Variants in HGSNAT observed in about 807,000 individuals in gnomAD.
HGSNAT encodes heparan-alpha-glucosaminide N-acetyltransferase.
HGSNAT carries 59 observed loss-of-function variants against 85.2 expected under a neutral mutation model. The ratio of observed to expected loss-of-function variants is 0.69; its 90% CI spans 0.56 to 0.86. HGSNAT has a LOEUF of 0.86. Among genes scored for constraint, HGSNAT ranks in the 40% least tolerant of loss-of-function variants. HGSNAT has a pLI of 0.00. For missense variants in HGSNAT, 756 were observed against 777.1 expected (o/e 0.97, Z 0.32); for synonymous variants, 321 against 304.5 (o/e 1.05, Z -0.56).
intron 14 of HGSNAT, among the ~76,000 whole-genome samples, chr8:43,194,888 C>T (rs1399237796): frequency 2.6e-5 from 4 of 152,148 alleles, no homozygotes; most frequent in Admixed American, 2.6e-4. Context: ...CACCAGATAC[C>T]GAATCTACTG....
chr8:43,185,008 C>G (rs1237249273), intron 11 of HGSNAT, among the ~76,000 whole-genome samples: 1 of 152,066 alleles, frequency 6.6e-6, no homozygotes, highest in Non-Finnish European at 1.5e-5. Context: ...CTCTGTTTTA[C>G]TACCAGTACC....
chr8:43,183,510 C>T (rs923761929), intron 11 of HGSNAT, among the ~76,000 whole-genome samples: 13 of 146,374 alleles, frequency 8.9e-5, no homozygotes, highest in South Asian at 2.2e-4. Flanking sequence ...TTGCTCTGTC[C>T]GCCAGGCTGG....
chr8:43,198,178 G>A (rs1367958420), intron 17 of HGSNAT, among the ~76,000 whole-genome samples: 1 of 152,082 alleles, frequency 6.6e-6, no homozygotes, highest in Non-Finnish European at 1.5e-5. Flanking sequence ...TGTAGGTTGT[G>A]GAGTCGTTGT....
intron 2 of HGSNAT, among the ~76,000 whole-genome samples, chr8:43,149,077 C>G (rs1197686950): frequency 6.6e-6 from 1 of 151,622 alleles, no homozygotes; most frequent in African/African-American, 2.4e-5. Context: ...GATCGAGCCA[C>G]TGCACTCCAG....
At chr8:43,183,567 T>C (rs958158630) in intron 11 of HGSNAT, among the ~76,000 whole-genome samples, 1 of 148,496 alleles carries the variant, frequency 6.7e-6, no homozygotes, top group Non-Finnish European at 1.5e-5. Flanking sequence ...GCCTCCTGGG[T>C]TCACGCCGTT....
rs1007207579 is a variant in HGSNAT at position 43,170,674 on chromosome 8, C to T, written c.723C>T (p.Arg241=). Residue 241 remains arginine (R), a synonymous_variant, in exon 7 of 18, where the codon CGC becomes CGT. Coordinates refer to ENST00000379644, the MANE Select transcript of HGSNAT (RefSeq NM_152419.3). ...TATCTGCCCTGCCGCCCCGCCTCCGCAGCGTGGACACCTTCAGGGGGTATG... is the reference window on the plus strand; with the variant it reads ...TATCTGCCCTGCCGCCCCGCCTCCGTAGCGTGGACACCTTCAGGGGGTATG... ...WRLSALPPRL[R]SVDTFRGIAL... 1.9e-6 allele frequency: 3 copies of T among 1,603,540 alleles called. No homozygotes were observed. The highest frequency in any genetic ancestry group is 2.6e-6 in the Non-Finnish European group (3 of 1,175,204).
chr8:43,158,811 T>C (rs1803176064), intron 3 of HGSNAT, 100 bp downstream of exon 3: 6 of 1,500,734 alleles, frequency 4.0e-6, no homozygotes, highest in Middle Eastern at 3.8e-4. Context: ...TTCTTTATCT[T>C]TTCTGGTCCG....
In HGSNAT at chr8:43,140,518, C is replaced by G. The variant is rs1355700834; in HGVS notation, c.22C>G (p.Leu8Val). Residue 8 changes from leucine to valine, a missense_variant, in exon 1 of 18, where the codon CTG becomes GTG. Coordinates refer to ENST00000379644, the MANE Select transcript of HGSNAT (RefSeq NM_152419.3). MSGAGRA[L>V]AALLLAASVL... ...GGGCATGAGCGGGGCGGGCAGGGCG[C>G]TGGCCGCGCTGCTGCTGGCCGCGTC... 1.8e-6 allele frequency: 2 copies of G among 1,085,744 alleles called. No individual in the cohort carries two copies. The highest frequency in any genetic ancestry group is 5.3e-5 in the Admixed American group (1 of 18,782). 67.3% of individuals were successfully genotyped at this position (1,085,744 alleles called of 1,614,324 possible).
At chr8:43,148,109 C>T (rs1252274603) in intron 2 of HGSNAT, among the ~76,000 whole-genome samples, 1 of 151,882 alleles carries the variant, frequency 6.6e-6, no homozygotes, top group Admixed American at 6.6e-5. Context: ...GGCATGGTGG[C>T]ACATGACTTG....
intron 17 of HGSNAT, 54 bp downstream of exon 17, chr8:43,198,006 C>G: frequency 3.1e-6 from 4 of 1,301,128 alleles, no homozygotes; most frequent in Non-Finnish European, 4.4e-6. Context: ...GAGGCAGGCC[C>G]AGGGACCTCT....
chr8:43,161,502 G>A lies in HGSNAT; in HGVS notation c.558G>A (p.Leu186=), dbSNP rs953533399. Residue 186 remains leucine, a synonymous_variant, in exon 5 of 18, where the codon TTG becomes TTA. Coordinates refer to ENST00000379644, the MANE Select transcript of HGSNAT (RefSeq NM_152419.3). ...VIIVISFLRL[L]LSLDDFNNWI... is the part of the protein sequence containing the mutation. ...TTGTGATATCCTTTCTGAGGCTCTT[G>A]TTGAGGTAAGATATTTGGGGAGGAC... 6 of 1,606,022 alleles carry A rather than the reference G, an allele frequency of 3.7e-6. No individual in the cohort carries two copies. The highest frequency in any genetic ancestry group is 5.1e-6 in the Non-Finnish European group (6 of 1,176,262).
chr8:43,194,166 G>A, intron 14 of HGSNAT: 2 of 967,794 alleles, frequency 2.1e-6, no homozygotes, highest in Non-Finnish European at 2.6e-6. Context: ...GGGAAGCCAA[G>A]GCAGGAGGAT....
chr8:43,166,102 T>C (rs1803426563), intron 5 of HGSNAT, among the ~76,000 whole-genome samples: 1 of 152,208 alleles, frequency 6.6e-6, no homozygotes, highest in Non-Finnish European at 1.5e-5. Flanking sequence ...AAGTGAGGAA[T>C]CTGCAGAAGA....
rs1238925388 is a variant in HGSNAT, at chr8:43,199,722, A to T, written c.*153A>T. The T allele has an allele frequency of 6.5e-6, 3 of 464,254 alleles. No homozygotes were observed. The highest frequency in any genetic ancestry group is 1.1e-5 in the Non-Finnish European group (3 of 276,600). 28.8% of individuals were successfully genotyped at this position (464,254 alleles called of 1,614,324 possible). On this transcript the variant is annotated 3_prime_UTR_variant, in exon 18 of 18. Transcript: ENST00000379644. ...GACACTGATGTCCTCAAACTGGTTA[A>T]CTGTGACACGGCTCGCCAGAACTCT...
At chr8:43,164,951 C>A (rs773952021) in intron 5 of HGSNAT, among the ~76,000 whole-genome samples, 1 of 151,564 alleles carries the variant, frequency 6.6e-6, no homozygotes, top group East Asian at 1.9e-4. Flanking sequence ...ACATACTCAA[C>A]GCTTATTGAC....
chr8:43,182,843 T>C (rs1400357947), intron 11 of HGSNAT, among the ~76,000 whole-genome samples: 4 of 152,252 alleles, frequency 2.6e-5, no homozygotes, highest in Admixed American at 2.6e-4. Context: ...GCTAATCAAA[T>C]ACATTCTGAT....
At chr8:43,164,809 T>G (rs1803381591) in intron 5 of HGSNAT, among the ~76,000 whole-genome samples, 1 of 151,976 alleles carries the variant, frequency 6.6e-6, no homozygotes, top group Non-Finnish European at 1.5e-5. Context: ...GTGAGAGACA[T>G]GCAACTCTTT....
chr8:43,190,298 A>G (rs1458300510), intron 11 of HGSNAT, among the ~76,000 whole-genome samples: 3 of 152,222 alleles, frequency 2.0e-5, no homozygotes, highest in Non-Finnish European at 2.9e-5. Context: ...GTCCTATTCA[A>G]CAATCAGTTA....
chr8:43,173,566 C>T, intron 8 of HGSNAT, 147 bp from the exon 9 acceptor site: 1 of 842,060 alleles, frequency 1.2e-6, no homozygotes, highest in Non-Finnish European at 1.9e-6. Context: ...CGCCTCGGCC[C>T]CCACAAAGTG....
Sources: allele counts gnomAD v4.1 joint callset (sites outside exome capture counted in the v4.1 genomes callset), GRCh38; gene constraint gnomAD v4.1.1; transcripts MANE v1.5; gene names NCBI Gene and HGNC (gene_info 2026-07-23, HGNC 2026-07-21).